Variants in STOM observed in about 807,000 individuals in gnomAD.
The protein encoded by STOM is erythrocyte band 7 integral membrane protein.
Under a neutral mutation model 30.6 loss-of-function variants are expected in STOM, and 25 were observed. The ratio of observed to expected loss-of-function variants is 0.82; its 90% confidence interval spans 0.60 to 1.14. The LOEUF is 1.14. Ranked by LOEUF, STOM falls within the 50% of genes most tolerant of loss-of-function variation. STOM has a pLI of 0.00. For synonymous variants in STOM, 118 were observed against 130.8 expected, an observed-to-expected ratio of 0.90 and a Z score of 0.67; for missense variants, 292 against 365.2, an observed-to-expected ratio of 0.80 and a Z score of 1.63.
intron 1 of STOM, among the ~76,000 whole-genome samples, chr9:121,356,684 G>C: frequency 6.6e-6 from 1 of 152,162 alleles, no homozygotes; most frequent in Non-Finnish European, 1.5e-5. Context: ...AGAAAATATC[G>C]ACGAAAAGAA....
In STOM at chr9:121,361,667, C is replaced by CGTGA. The variant is rs547095003; in HGVS notation, c.62-5515_62-5512dup. Among the ~76,000 whole-genome samples, 34 of 152,262 alleles carry CGTGA rather than the reference C, an allele frequency of 2.2e-4. 1 individual carries two copies. The South Asian group carries it at 6.8e-3, about 31-fold the overall frequency. ...CCTCCCAAAGTGCTGGGATTACAGG[C>CGTGA]GTGAGCCAATGCACCCGGCCACTTG... is the stretch of plus-strand genomic sequence containing the variant. On this transcript the variant is annotated intron_variant, in intron 1 of 6. Coordinates refer to ENST00000286713, the MANE Select transcript of STOM (RefSeq NM_004099.6).
chr9:121,368,891 G>C (rs2064531988), intron 1 of STOM, among the ~76,000 whole-genome samples: 1 of 145,586 alleles, frequency 6.9e-6, no homozygotes, highest in Admixed American at 7.0e-5. Context: ...AGTGAGCGGA[G>C]ATCACACTCC....
intron 1 of STOM, among the ~76,000 whole-genome samples, chr9:121,365,021 G>A (rs1355322955): frequency 1.3e-5 from 2 of 152,104 alleles, no homozygotes; most frequent in Non-Finnish European, 2.9e-5. Context: ...TACCTCCTCA[G>A]GTTAGTGTGA....
In STOM at chr9:121,339,934, T is replaced by A. The variant is rs1216207797; in HGVS notation, c.*1268A>T. The A allele has an allele frequency of 9.5e-7, 1 of 1,050,198 alleles. No homozygotes were observed. Among genetic ancestry groups the A allele is most frequent in the Non-Finnish European group, 1.1e-6 (1 of 873,098 alleles). 65.1% of individuals were successfully genotyped at this position (1,050,198 alleles called of 1,614,324 possible). A position where few individuals can be genotyped will look rare whatever the true frequency, so the allele number is the denominator to read the frequency against. On this transcript the variant is annotated 3_prime_UTR_variant, in exon 7 of 7. Coordinates refer to ENST00000286713, the MANE Select transcript of STOM (RefSeq NM_004099.6). ...TGAATTCCTTATACTATGTAATGAA[T>A]GGGTTTGTAATCAACATATTTCACA...
intron 4 of STOM, 40 bp from the exon 5 acceptor site, chr9:121,349,363 T>C: frequency 1.3e-6 from 2 of 1,533,448 alleles, no homozygotes; most frequent in Non-Finnish European, 1.8e-6. Context: ...TGTCAACGAC[T>C]TTTTTTTAAC....
At chr9:121,365,926 T>G (rs2064498988) in intron 1 of STOM, among the ~76,000 whole-genome samples, 1 of 152,196 alleles carries the variant, frequency 6.6e-6, no homozygotes, top group Non-Finnish European at 1.5e-5. Flanking sequence ...GGAGAAAATA[T>G]CAACTAACAA....
Position 121,353,283 on chromosome 9 carries a change from T to A in STOM, c.258A>T (p.Pro86=). ...AKGPGLFFIL[P]CTDSFIKVDM... is the part of the protein sequence containing the mutation. ...CCACTTTGATGAAGCTGTCAGTGCA[T>A]GGCAGAATAAAAAACAAACCTGCAA... The change falls in exon 4 of 7, where the codon CCA becomes CCT. Residue 86 remains proline (P), a synonymous_variant. Coordinates refer to ENST00000286713, the MANE Select transcript of STOM (RefSeq NM_004099.6). The A allele has an allele frequency of 1.9e-6, 3 of 1,610,522 alleles. No individual in the cohort carries two copies. The highest frequency in any genetic ancestry group is 2.5e-6 in the Non-Finnish European group (3 of 1,178,308).
intron 2 of STOM, among the ~76,000 whole-genome samples, chr9:121,355,157 G>A (rs1473771949): frequency 6.8e-6 from 1 of 147,876 alleles, no homozygotes; most frequent in Non-Finnish European, 1.5e-5. Flanking sequence ...TACAAGGGAG[G>A]ATGAGACAGG....
At chr9:121,353,985 C>T (rs1225623760) in intron 3 of STOM, among the ~76,000 whole-genome samples, 3 of 152,186 alleles carry the variant, frequency 2.0e-5, no homozygotes, top group Non-Finnish European at 4.4e-5. Context: ...ATACTTATCA[C>T]ATAGGATTGT....
At chr9:121,359,564 G>C (rs118165348) in intron 1 of STOM, among the ~76,000 whole-genome samples, 4,723 of 152,116 alleles carry the variant, frequency 0.031, 309 homozygotes, top group Admixed American at 0.15. Flanking sequence ...TGGCTGTTTT[G>C]AGGGGTTGTG....
intron 6 of STOM, among the ~76,000 whole-genome samples, chr9:121,342,466 A>G (rs1209650550): frequency 6.6e-6 from 1 of 152,148 alleles, no homozygotes; most frequent in Non-Finnish European, 1.5e-5. Flanking sequence ...ATTAATTCTA[A>G]CTTATGGACT....
chr9:121,368,095 T>C (rs2064522949), intron 1 of STOM, among the ~76,000 whole-genome samples: 2 of 151,158 alleles, frequency 1.3e-5, no homozygotes, highest in South Asian at 4.2e-4. Context: ...CTCTATTTAA[T>C]AAATTCCAGC....
intron 6 of STOM, among the ~76,000 whole-genome samples, chr9:121,345,530 T>C (rs1373117409): frequency 6.6e-6 from 1 of 152,164 alleles, no homozygotes; most frequent in Non-Finnish European, 1.5e-5. Flanking sequence ...CTATTTTCCA[T>C]GAGAATTTCA....
At position 121,353,294 on chromosome 9, in the gene STOM, A is replaced by G. The variant is rs1276756279; in HGVS notation, c.247T>C (p.Phe83Leu). 3.7e-6 allele frequency: 6 copies of G among 1,607,090 alleles called. No individual in the cohort carries two copies. Among genetic ancestry groups the G allele is most frequent in the Non-Finnish European group, 5.1e-6 (6 of 1,176,512 alleles). The part of the protein sequence containing the change: ...QGGAKGPGLF[F>L]ILPCTDSFIK... The stretch of plus-strand genomic sequence containing the variant: ...AAGCTGTCAGTGCATGGCAGAATAA[A>G]AAACAAACCTGCAACAAAGATACAC... The change falls in exon 4 of 7, where the codon TTT becomes CTT. Residue 83 changes from phenylalanine (F) to leucine (L), a missense_variant. Coordinates refer to ENST00000286713, the MANE Select transcript of STOM (RefSeq NM_004099.6).
intron 1 of STOM, 77 bp from the exon 2 acceptor site, chr9:121,356,233 C>A: frequency 8.1e-7 from 1 of 1,232,794 alleles, no homozygotes; most frequent in Non-Finnish European, 1.2e-6. Flanking sequence ...TTACCATTCG[C>A]TGAATACCTA....
At chr9:121,363,469 G>T (rs916302356) in intron 1 of STOM, among the ~76,000 whole-genome samples, 29 of 152,124 alleles carry the variant, frequency 1.9e-4, no homozygotes, top group African/African-American at 7.0e-4. Context: ...AAAGAACCAG[G>T]AACTAAATAT....
intron 4 of STOM, among the ~76,000 whole-genome samples, chr9:121,351,965 G>A (rs1445363338): frequency 6.6e-6 from 1 of 151,980 alleles, no homozygotes; most frequent in African/African-American, 2.4e-5. Context: ...GAACTAATAG[G>A]GTTTTCTATC....
chr9:121,357,107 T>C (rs2064399130), intron 1 of STOM, among the ~76,000 whole-genome samples: 1 of 152,190 alleles, frequency 6.6e-6, no homozygotes, highest in African/African-American at 2.4e-5. Flanking sequence ...AGCCTCTTTT[T>C]AAAAATTACA....
At chr9:121,353,177 C>T (rs2064354507) in intron 4 of STOM, 43 bp downstream of exon 4, 1 of 1,174,328 alleles carries the variant, frequency 8.5e-7, no homozygotes, top group Non-Finnish European at 1.2e-6. Context: ...CATTGTAAAG[C>T]ACTTTCACAT....
Sources: gnomAD v4.1 joint callset for allele counts (sites outside exome capture counted in the v4.1 genomes callset) on GRCh38, gnomAD v4.1.1 for gene constraint, MANE v1.5 for transcripts, NCBI Gene and HGNC (gene_info 2026-07-23, HGNC 2026-07-21) for gene names.